The following PATJ variants were observed in gnomAD, a reference collection of about 807,000 sequenced individuals.
PATJ encodes PATJ crumbs cell polarity complex component, also known as inaD-like protein.
In PATJ, 190 loss-of-function variants were observed where a neutral mutation model predicts 224.9. That is an observed-to-expected ratio of 0.84 (90% CI 0.75 to 0.95). The LOEUF (loss-of-function observed/expected upper bound fraction) is 0.95. Among genes scored for constraint, PATJ ranks in the 40% least tolerant of loss-of-function variants. PATJ has a pLI of 0.00. For missense variants in PATJ, 2,121 were observed against 2,270.3 expected, an observed-to-expected ratio of 0.93 and a Z score of 1.34; for synonymous variants, 769 against 820.3, an observed-to-expected ratio of 0.94 and a Z score of 1.07.
chr1:61,825,503 G>A (rs924964534), intron 15 of PATJ, among the ~76,000 whole-genome samples: 2 of 119,266 alleles, frequency 1.7e-5, no homozygotes, highest in Non-Finnish European at 4.0e-5. Context: ...TCAAAGTGTC[G>A]TGTGTGTGTG....
intron 41 of PATJ, among the ~76,000 whole-genome samples, chr1:62,147,840 G>A (rs1668207126): frequency 6.6e-6 from 1 of 151,476 alleles, no homozygotes; most frequent in Non-Finnish European, 1.5e-5. Flanking sequence ...GTGGGTGCCT[G>A]TAATCCCAGT....
At chr1:62,116,340 G>A (rs1664437441) in intron 35 of PATJ, among the ~76,000 whole-genome samples, 192 bp from the exon 36 acceptor site, 1 of 152,188 alleles carries the variant, frequency 6.6e-6, no homozygotes, top group Non-Finnish European at 1.5e-5. Flanking sequence ...AGAATAGTAT[G>A]TAGCTATTTA....
intron 22 of PATJ, among the ~76,000 whole-genome samples, chr1:61,884,909 G>C (rs1668609245): frequency 6.6e-6 from 1 of 152,218 alleles, no homozygotes; most frequent in African/African-American, 2.4e-5. Context: ...GGAACATGTT[G>C]ATGGTTAAAG....
chr1:61,927,538 A>G (rs1340958389), intron 26 of PATJ, among the ~76,000 whole-genome samples, 192 bp from the exon 27 acceptor site: 1 of 152,196 alleles, frequency 6.6e-6, no homozygotes, highest in African/African-American at 2.4e-5. Flanking sequence ...GTGTGTTTAT[A>G]CCACAGAGTC....
intron 1 of PATJ, among the ~76,000 whole-genome samples, chr1:61,747,237 C>T (rs3790580): frequency 0.078 from 11,816 of 151,334 alleles, 632 homozygotes; most frequent in East Asian, 0.16. Flanking sequence ...TTTTTTAAAG[C>T]CCTTATTTTA....
In PATJ at chr1:62,123,337, C is replaced by A. The variant is rs959128071; in HGVS notation, c.5043+279C>A. The stretch of plus-strand genomic sequence containing the variant: ...TATTTTTTCAATCTTAGTCTTTTAA[C>A]CTGTACATGTAAAGTTTTATAAAAC... On this transcript the variant is annotated intron_variant, in intron 39 of 43. Coordinates refer to ENST00000642238, the MANE Select transcript of PATJ (RefSeq NM_001350145.3). Among the ~76,000 whole-genome samples, 17 of 151,976 alleles carry A rather than the reference C, an allele frequency of 1.1e-4. No individual in the cohort carries two copies. In the East Asian group the frequency reaches 3.1e-3, roughly 28 times the overall value.
chr1:62,103,907 G>A (rs1570608743), intron 33 of PATJ, among the ~76,000 whole-genome samples: 1 of 152,172 alleles, frequency 6.6e-6, no homozygotes, highest in Non-Finnish European at 1.5e-5. Flanking sequence ...ACGGCCAACA[G>A]TAGCAGGGCC....
rs563936968 is a variant in PATJ at position 62,108,473 on chromosome 1, G to A, written c.4414G>A (p.Ala1472Thr). 6.2e-7 allele frequency: 1 copy of A among 1,610,032 alleles called. No individual in the cohort carries two copies. Among genetic ancestry groups the A allele is most frequent in the Non-Finnish European group, 8.5e-7 (1 of 1,177,114 alleles). The change falls in exon 34 of 44, where the codon GCA becomes ACA. Residue 1472 changes from alanine to threonine, a missense_variant. Transcript: ENST00000642238. ...IVIHEVYEEGAAARDGRLWAG... is the reference protein window; with the variant it reads ...IVIHEVYEEGTAARDGRLWAG... ...TATCCATGAAGTCTATGAAGAAGGG[G>A]CAGCAGCCAGAGATGGAAGACTTTG...
rs368466955 is a variant in PATJ, at chr1:61,819,657, T to C, written c.1684-3288T>C. Among the ~76,000 whole-genome samples the C allele has an allele frequency of 3.9e-5, 6 of 152,308 alleles. No homozygotes were observed. In the East Asian group the frequency reaches 9.7e-4, roughly 25 times the overall value. ...GGGAAGGCAGCTCCAATTTGTAGCATGTACCAATATCTGTGGTGTAAATAC... is the reference window on the plus strand; with the variant it reads ...GGGAAGGCAGCTCCAATTTGTAGCACGTACCAATATCTGTGGTGTAAATAC... On this transcript the variant is annotated intron_variant, in intron 14 of 43. Transcript: ENST00000642238.
At position 62,067,123 on chromosome 1, in the gene PATJ, C is replaced by CTTTTTTTTTTT. The variant is rs11381578; in HGVS notation, c.4126-12316_4126-12306dup. On this transcript the variant is annotated intron_variant, in intron 31 of 43. Transcript: ENST00000642238. ...GCCCCTCTCATAATTCCTATTCTTT[C>CTTTTTTTTTTT]TTTTTTTTTTTTTTTTTTTTTGAGA... Among the ~76,000 whole-genome samples the CTTTTTTTTTTT allele has an allele frequency of 7.7e-5, 9 of 116,450 alleles. No homozygotes were observed. The East Asian group carries it at 8.3e-4, about 11-fold the overall frequency. 76.4% of individuals were successfully genotyped at this position (116,450 alleles called of 152,430 possible).
chr1:61,875,892 A>G (rs1411425931), intron 21 of PATJ, among the ~76,000 whole-genome samples: 3 of 152,164 alleles, frequency 2.0e-5, no homozygotes, highest in African/African-American at 7.2e-5. Flanking sequence ...CGATTCTTAT[A>G]TATGTTTGAA....
At chr1:61,900,742 A>T (rs1571196177) in intron 23 of PATJ, among the ~76,000 whole-genome samples, 1 of 152,176 alleles carries the variant, frequency 6.6e-6, no homozygotes, top group East Asian at 1.9e-4. Context: ...GGCGCCCGCC[A>T]CTACGCCCGG....
At chr1:61,915,940 C>T (rs1673397405) in intron 26 of PATJ, among the ~76,000 whole-genome samples, 1 of 152,134 alleles carries the variant, frequency 6.6e-6, no homozygotes, top group African/African-American at 2.4e-5. Context: ...TGTGATCCAC[C>T]TGCCTCGGCC....
intron 28 of PATJ, among the ~76,000 whole-genome samples, chr1:62,004,713 G>A (rs1645988763): frequency 6.6e-6 from 1 of 152,164 alleles, no homozygotes; most frequent in African/African-American, 2.4e-5. Flanking sequence ...ATGTATGTGT[G>A]TGTGCCTTCT....
chr1:61,810,791 G>A (rs1047361855), intron 14 of PATJ, among the ~76,000 whole-genome samples: 2 of 152,148 alleles, frequency 1.3e-5, no homozygotes, highest in Non-Finnish European at 2.9e-5. Flanking sequence ...GGGCGTGGTA[G>A]TGGGCACCTG....
At chr1:62,025,723 G>A (rs1383457332) in intron 29 of PATJ, among the ~76,000 whole-genome samples, 5 of 152,160 alleles carry the variant, frequency 3.3e-5, no homozygotes, top group East Asian at 1.9e-4. Context: ...CTCAAGAGAC[G>A]GAGGCAAGAG....
rs952648989 is a variant in PATJ at position 62,084,418 on chromosome 1, TA to T, written c.4244-94del. On this transcript the variant is annotated intron_variant, in intron 32 of 43. Transcript: ENST00000642238. ...GTTTGGCAGGAAAAGAGTGCAGTGATAAACACATGCAAGCCCCACACTCCCC... is the reference window on the plus strand; with the variant it reads ...GTTTGGCAGGAAAAGAGTGCAGTGATAACACATGCAAGCCCCACACTCCCC... The T allele has an allele frequency of 2.3e-6, 3 of 1,329,832 alleles. No individual in the cohort carries two copies. The African/African-American group carries it at 4.5e-5, about 20-fold the overall frequency. The allele number at this position is 1,329,832 out of a possible 1,614,324, so 82.4% of individuals were successfully genotyped here.
At chr1:62,160,021 T>TG (rs1417123666) in intron 43 of PATJ, among the ~76,000 whole-genome samples, 1 of 152,082 alleles carries the variant, frequency 6.6e-6, no homozygotes, top group East Asian at 1.9e-4. Flanking sequence ...GCCAAGTGCC[T>TG]GTGGGCTTTG....
chr1:62,132,568 A>T (rs988217438), intron 41 of PATJ, among the ~76,000 whole-genome samples: 2 of 151,846 alleles, frequency 1.3e-5, no homozygotes, highest in Non-Finnish European at 1.5e-5. Context: ...AGGAGCAAGG[A>T]CTCTTTCATT....
Sources: allele counts gnomAD v4.1 joint callset (sites outside exome capture counted in the v4.1 genomes callset), GRCh38; gene constraint gnomAD v4.1.1; transcripts MANE v1.5; gene names NCBI Gene and HGNC (gene_info 2026-07-23, HGNC 2026-07-21).